Variants in GRIK1 observed in about 807,000 individuals in gnomAD.
GRIK1 encodes glutamate ionotropic receptor kainate type subunit 1, also known as glutamate receptor ionotropic, kainate 1.
In GRIK1, 69 loss-of-function variants were observed where a neutral mutation model predicts 105.7. The observed-to-expected ratio is 0.65, with a 90% confidence interval of 0.54 to 0.80. The LOEUF (loss-of-function observed/expected upper bound fraction) is 0.80. Ranked by LOEUF, GRIK1 falls within the 30% of genes least tolerant of loss-of-function variation. The pLI is 0.00. For synonymous variants in GRIK1, 438 were observed against 431.3 expected (o/e 1.02, Z -0.19); for missense variants, 1,109 against 1,167.3 (o/e 0.95, Z 0.73).
intron 1 of GRIK1, among the ~76,000 whole-genome samples, chr21:29,800,277 G>A (rs372025781): frequency 1.3e-5 from 2 of 152,124 alleles, no homozygotes; most frequent in African/African-American, 4.8e-5. Flanking sequence ...TTTCTTATGT[G>A]TCAGGGCTTA....
chr21:29,564,715 A>C (rs1466762929), intron 14 of GRIK1, among the ~76,000 whole-genome samples: 1 of 152,186 alleles, frequency 6.6e-6, no homozygotes, highest in Non-Finnish European at 1.5e-5. Context: ...TGGGACGAAT[A>C]TGTAGGTCAT....
chr21:29,575,884 CAAAA>C (rs1006570549), intron 14 of GRIK1, among the ~76,000 whole-genome samples: 2 of 151,922 alleles, frequency 1.3e-5, no homozygotes, highest in East Asian at 1.9e-4. Context: ...AACAAACAAA[CAAAA>C]AACCCCAAAC....
At chr21:29,796,706 T>C (rs563494276) in intron 1 of GRIK1, among the ~76,000 whole-genome samples, 12 of 152,244 alleles carry the variant, frequency 7.9e-5, no homozygotes, top group Non-Finnish European at 1.8e-4. Flanking sequence ...CCCAGCACTT[T>C]GGGAGGCCGA....
At chr21:29,765,942 C>T (rs978970378) in intron 1 of GRIK1, among the ~76,000 whole-genome samples, 1 of 151,932 alleles carries the variant, frequency 6.6e-6, no homozygotes, top group Non-Finnish European at 1.5e-5. Context: ...AGTTCCACCT[C>T]CCGGGTTCAC....
chr21:29,634,041 G>A (rs927287625), intron 7 of GRIK1, among the ~76,000 whole-genome samples: 8 of 152,048 alleles, frequency 5.3e-5, no homozygotes, highest in African/African-American at 1.2e-4. Context: ...CAGAGCTTAC[G>A]TTTCACCAGG....
intron 14 of GRIK1, among the ~76,000 whole-genome samples, chr21:29,567,622 A>G (rs1366186278): frequency 2.0e-5 from 3 of 152,212 alleles, no homozygotes; most frequent in African/African-American, 4.8e-5. Flanking sequence ...AAACAATTAT[A>G]TTTTAAGATC....
intron 1 of GRIK1, chr21:29,748,132 T>C (rs1444749640): frequency 6.6e-6 from 1 of 152,268 alleles, no homozygotes. Flanking sequence ...TGTTTCTCCC[T>C]GGCATTAATC....
At chr21:29,800,876 G>C (rs1484823568) in intron 1 of GRIK1, among the ~76,000 whole-genome samples, 1 of 152,182 alleles carries the variant, frequency 6.6e-6, no homozygotes, top group Admixed American at 6.6e-5. Flanking sequence ...ATACCTGAGT[G>C]CCTGAGGACA....
chr21:29,785,106 G>A (rs2145795578), intron 1 of GRIK1, among the ~76,000 whole-genome samples: 1 of 152,258 alleles, frequency 6.6e-6, no homozygotes, highest in East Asian at 1.9e-4. Flanking sequence ...TTTTTCTGGT[G>A]CATTTTAAAA....
At chr21:29,678,955 G>A (rs1568966232) in intron 3 of GRIK1, among the ~76,000 whole-genome samples, 1 of 152,140 alleles carries the variant, frequency 6.6e-6, no homozygotes. Context: ...TATTATTTCT[G>A]TTTTCTATGG....
At chr21:29,797,596 T>C (rs868835851) in intron 1 of GRIK1, among the ~76,000 whole-genome samples, 20 of 152,336 alleles carry the variant, frequency 1.3e-4, no homozygotes, top group Middle Eastern at 6.8e-3. Flanking sequence ...TTATTTATAG[T>C]TAATCTATGA....
chr21:29,880,028 G>A (rs2069345918), intron 1 of GRIK1, among the ~76,000 whole-genome samples: 1 of 152,078 alleles, frequency 6.6e-6, no homozygotes, highest in Non-Finnish European at 1.5e-5. Context: ...TCATATTATG[G>A]TGGGACTACA....
intron 16 of GRIK1, among the ~76,000 whole-genome samples, chr21:29,544,056 T>G (rs2090012935): frequency 6.6e-6 from 1 of 152,176 alleles, no homozygotes; most frequent in South Asian, 2.1e-4. Flanking sequence ...TCTCAGATCC[T>G]AGATTTAAGT....
At position 29,872,289 on chromosome 21, in the gene GRIK1, G is replaced by C. The variant is rs866511813; in HGVS notation, c.118+67094C>G. ...GCTCACTGCAAGCTCCGCTTCCTGG[G>C]TTCACGCCATTCTCCTGCCTCAGCC... On this transcript the variant is annotated intron_variant, in intron 1 of 17. Transcript: ENST00000327783. 7.3e-5 allele frequency among the ~76,000 whole-genome samples: 11 copies of C among 150,642 alleles called. No individual in the cohort carries two copies. The South Asian group carries it at 2.3e-3, about 32-fold the overall frequency.
chr21:29,794,906 T>C (rs988768693), intron 1 of GRIK1, among the ~76,000 whole-genome samples: 1 of 151,982 alleles, frequency 6.6e-6, no homozygotes, highest in Non-Finnish European at 1.5e-5. Flanking sequence ...TCATCCCAAA[T>C]GACAGCATTT....
intron 3 of GRIK1, among the ~76,000 whole-genome samples, chr21:29,685,035 TCTGC>T (rs1293360933): frequency 2.0e-5 from 3 of 152,188 alleles, no homozygotes; most frequent in African/African-American, 2.4e-5. Flanking sequence ...TCCTTGTCTG[TCTGC>T]CTGCCTGCCT....
intron 1 of GRIK1, among the ~76,000 whole-genome samples, chr21:29,794,809 T>G (rs2066512627): frequency 6.6e-6 from 1 of 152,090 alleles, no homozygotes; most frequent in African/African-American, 2.4e-5. Context: ...TAATTCCAAC[T>G]GGGATTTTGT....
intron 1 of GRIK1, among the ~76,000 whole-genome samples, chr21:29,699,079 T>C (rs929996629): frequency 6.6e-6 from 1 of 152,210 alleles, no homozygotes; most frequent in African/African-American, 2.4e-5. Flanking sequence ...TCATACTCTG[T>C]GTTCCCTCAC....
intron 1 of GRIK1, among the ~76,000 whole-genome samples, chr21:29,913,671 A>AT (rs2070894991): frequency 1.6e-5 from 2 of 128,892 alleles, no homozygotes; most frequent in African/African-American, 7.8e-5. Context: ...AAGAAACACT[A>AT]AATATATATA....
Sources: allele counts gnomAD v4.1 joint callset (sites outside exome capture counted in the v4.1 genomes callset), GRCh38; gene constraint gnomAD v4.1.1; transcripts MANE v1.5; gene names NCBI Gene and HGNC (gene_info 2026-07-23, HGNC 2026-07-21).